MYO1D: variants seen among roughly 807,000 people sequenced by gnomAD.
MYO1D encodes the protein unconventional myosin-Id.
Under a neutral mutation model 122.0 loss-of-function variants are expected in MYO1D, and 83 were observed. The observed-to-expected ratio is 0.68, with a 90% CI of 0.57 to 0.82. The LOEUF (loss-of-function observed/expected upper bound fraction) is 0.82, where lower values mean the gene tolerates loss of function less well. Among genes scored for constraint, MYO1D ranks in the 40% least tolerant of loss-of-function variants. The pLI is 0.00. For missense variants in MYO1D, 1,157 were observed against 1,269.5 expected, an observed-to-expected ratio of 0.91 and a Z score of 1.35; for synonymous variants, 464 against 446.9, an observed-to-expected ratio of 1.04 and a Z score of -0.48.
At chr17:32,787,971 C>A (rs2151034149) in intron 1 of MYO1D, among the ~76,000 whole-genome samples, 1 of 152,160 alleles carries the variant, frequency 6.6e-6, no homozygotes, top group South Asian at 2.1e-4. Context: ...GTATCTATAC[C>A]ACATTTTCTT....
chr17:32,848,552 T>C (rs1242753604), intron 1 of MYO1D, among the ~76,000 whole-genome samples: 1 of 152,230 alleles, frequency 6.6e-6, no homozygotes, highest in Non-Finnish European at 1.5e-5. Flanking sequence ...CTCAGAATGA[T>C]CAAGAAGACT....
At chr17:32,507,100 T>C (rs1291776088) in intron 21 of MYO1D, among the ~76,000 whole-genome samples, 1 of 152,158 alleles carries the variant, frequency 6.6e-6, no homozygotes, top group East Asian at 1.9e-4. Context: ...TCCACAATCA[T>C]AGTAAAAGTA....
chr17:32,870,597 T>TAA (rs34935920), intron 1 of MYO1D, among the ~76,000 whole-genome samples: 5 of 138,818 alleles, frequency 3.6e-5, no homozygotes, highest in East Asian at 2.1e-4. Context: ...GATTGTCTGC[T>TAA]AAAAAAAAAA....
At chr17:32,836,737 A>G (rs2090828587) in intron 1 of MYO1D, among the ~76,000 whole-genome samples, 3 of 152,220 alleles carry the variant, frequency 2.0e-5, no homozygotes, top group Non-Finnish European at 1.5e-5. Flanking sequence ...ACATAATGAC[A>G]TCATATAATT....
intron 1 of MYO1D, among the ~76,000 whole-genome samples, chr17:32,837,841 A>G (rs942041814): frequency 2.0e-5 from 3 of 152,194 alleles, no homozygotes; most frequent in African/African-American, 7.2e-5. Flanking sequence ...TACTAGTAAA[A>G]TCGAAATTAC....
At chr17:32,517,688 G>A (rs1017645967) in intron 21 of MYO1D, among the ~76,000 whole-genome samples, 3 of 152,254 alleles carry the variant, frequency 2.0e-5, no homozygotes, top group Non-Finnish European at 2.9e-5. Context: ...AGCTGGCCCC[G>A]CTTTGCTTCA....
At chr17:32,786,774 C>T (rs1021119476) in intron 1 of MYO1D, among the ~76,000 whole-genome samples, 5 of 152,142 alleles carry the variant, frequency 3.3e-5, no homozygotes, top group East Asian at 1.9e-4. Flanking sequence ...GAGCTGAGAT[C>T]GCGCCACTTC....
intron 21 of MYO1D, among the ~76,000 whole-genome samples, chr17:32,542,838 G>A (rs1187788313): frequency 6.6e-6 from 1 of 152,098 alleles, no homozygotes; most frequent in Non-Finnish European, 1.5e-5. Flanking sequence ...AGGTATCCAA[G>A]CAAGGGTGGG....
intron 21 of MYO1D, among the ~76,000 whole-genome samples, chr17:32,553,192 TG>T (rs2150885763): frequency 6.6e-6 from 1 of 151,676 alleles, no homozygotes; most frequent in Admixed American, 6.5e-5. Context: ...TCCCTGTTGC[TG>T]GGGGAACTCC....
intron 10 of MYO1D, among the ~76,000 whole-genome samples, chr17:32,756,629 A>G (rs746320194): frequency 4.6e-5 from 7 of 152,214 alleles, no homozygotes; most frequent in Middle Eastern, 3.4e-3. Context: ...GAATGACTAA[A>G]ATCCAAAAGA....
intron 21 of MYO1D, among the ~76,000 whole-genome samples, chr17:32,561,808 T>G (rs10468588): frequency 0.18 from 27,141 of 152,060 alleles, 2,667 homozygotes; most frequent in East Asian, 0.24. Context: ...TTTTGACATA[T>G]TAACATAGAA....
chr17:32,822,761 C>G (rs76003427), intron 1 of MYO1D, among the ~76,000 whole-genome samples: 1 of 151,530 alleles, frequency 6.6e-6, no homozygotes, highest in African/African-American at 2.4e-5. Context: ...GCGGCGAGGC[C>G]CGGGGCGTCC....
chr17:32,799,499 A>G (rs2090443733), intron 1 of MYO1D, among the ~76,000 whole-genome samples: 1 of 152,232 alleles, frequency 6.6e-6, no homozygotes, highest in Admixed American at 6.5e-5. Context: ...GAATGAAAAT[A>G]TAACTTTATC....
At chr17:32,743,453 C>T (rs886395765) in intron 13 of MYO1D, among the ~76,000 whole-genome samples, 1 of 152,162 alleles carries the variant, frequency 6.6e-6, no homozygotes, top group African/African-American at 2.4e-5. Context: ...CTATCAGGCT[C>T]AGGTATCACC....
At chr17:32,868,548 G>A (rs1004007984) in intron 1 of MYO1D, among the ~76,000 whole-genome samples, 11 of 152,284 alleles carry the variant, frequency 7.2e-5, no homozygotes, top group Admixed American at 5.9e-4. Context: ...GAGGGAGGAA[G>A]AAATGACAAG....
chr17:32,606,980 T>C (rs1324267338), intron 20 of MYO1D, among the ~76,000 whole-genome samples: 3 of 151,932 alleles, frequency 2.0e-5, no homozygotes, highest in Admixed American at 2.0e-4. Flanking sequence ...ACCAATATGG[T>C]GAAACCCTGT....
intron 21 of MYO1D, among the ~76,000 whole-genome samples, chr17:32,535,650 C>G (rs1367858981): frequency 2.0e-5 from 3 of 152,200 alleles, no homozygotes; most frequent in African/African-American, 4.8e-5. Flanking sequence ...ACTCAGGAGG[C>G]TGAGGCAGGA....
intron 16 of MYO1D, among the ~76,000 whole-genome samples, chr17:32,679,003 T>C (rs1331027115): frequency 1.3e-5 from 2 of 149,794 alleles, no homozygotes; most frequent in African/African-American, 5.0e-5. Flanking sequence ...ATTTCTCTGA[T>C]GGCCAGTGAT....
At chr17:32,784,788 A>T (rs2090276124) in intron 1 of MYO1D, among the ~76,000 whole-genome samples, 3 of 152,164 alleles carry the variant, frequency 2.0e-5, no homozygotes, top group Non-Finnish European at 2.9e-5. Flanking sequence ...TCACAGGCAG[A>T]CTACATGCAC....
Sources: allele counts gnomAD v4.1 joint callset (sites outside exome capture counted in the v4.1 genomes callset), GRCh38; gene constraint gnomAD v4.1.1; transcripts MANE v1.5; gene names NCBI Gene and HGNC (gene_info 2026-07-23, HGNC 2026-07-21).